Variants in CRYBB1 observed in about 807,000 individuals in gnomAD.
The protein encoded by CRYBB1 is crystallin beta B1, also known as beta-crystallin B1.
CRYBB1 carries 16 observed loss-of-function variants against 29.5 expected under a neutral mutation model. The ratio of observed to expected loss-of-function variants is 0.54; its 90% CI spans 0.37 to 0.82. The LOEUF (loss-of-function observed/expected upper bound fraction) is 0.82. Ranked by LOEUF, CRYBB1 falls within the 40% of genes least tolerant of loss-of-function variation. The pLI, the probability that CRYBB1 is intolerant of heterozygous loss-of-function variation, is 0.00. For missense variants in CRYBB1, 300 were observed against 350.5 expected (o/e 0.86, Z 1.15); for synonymous variants, 127 against 136.7 (o/e 0.93, Z 0.49).
chr22:26,606,074 G>C (rs1166018698), intron 4 of CRYBB1, among the ~76,000 whole-genome samples: 1 of 152,200 alleles, frequency 6.6e-6, no homozygotes. Flanking sequence ...TTTATGTGTA[G>C]CCCAAGACAA....
rs761669890 is a variant in CRYBB1, at chr22:26,599,571, C to A, written c.678G>T (p.Met226Ile). 1.2e-6 allele frequency: 2 copies of A among 1,614,216 alleles called. No homozygotes were observed. The highest frequency in any genetic ancestry group is 1.7e-6 in the Non-Finnish European group (2 of 1,180,034). The change falls in exon 6 of 6, where the codon ATG becomes ATT. Residue 226 changes from methionine (M) to isoleucine (I), a missense_variant. Coordinates refer to ENST00000647684, the MANE Select transcript of CRYBB1 (RefSeq NM_001887.4). ...WNEWGAFQPQ[M>I]QSLRRLRDKQ... ...TGTCACGCAGGCGACGCAGGGACTG[C>A]ATCTGTGGCTGGAAGGCTCCCCACT...
chr22:26,601,863 C>T lies in CRYBB1; in HGVS notation c.575+16G>A. ...CTTGAAGCAGGGGACGCGGACCTGGCAGGAGGGATGCTTACGTTCCACTGG... is the reference window on the plus strand; with the variant it reads ...CTTGAAGCAGGGGACGCGGACCTGGTAGGAGGGATGCTTACGTTCCACTGG... On this transcript the variant is annotated intron_variant, in intron 5 of 5. Transcript: ENST00000647684. The T allele has an allele frequency of 6.2e-7, 1 of 1,611,754 alleles. No homozygotes were observed. Among genetic ancestry groups the T allele is most frequent in the Non-Finnish European group, 8.5e-7 (1 of 1,179,830 alleles).
chr22:26,613,067 A>G (rs550325280), intron 2 of CRYBB1, among the ~76,000 whole-genome samples: 1 of 152,148 alleles, frequency 6.6e-6, no homozygotes, highest in East Asian at 1.9e-4. Context: ...AGGTTGATCA[A>G]TTTCTGTATC....
chr22:26,604,632 G>A (rs1279902985), intron 4 of CRYBB1, among the ~76,000 whole-genome samples: 3 of 152,190 alleles, frequency 2.0e-5, no homozygotes, highest in Non-Finnish European at 4.4e-5. Flanking sequence ...AAGGCACTGA[G>A]GCAGAGAAGG....
intron 4 of CRYBB1, among the ~76,000 whole-genome samples, chr22:26,606,217 A>G (rs2145962420): frequency 6.6e-6 from 1 of 152,288 alleles, no homozygotes; most frequent in Non-Finnish European, 1.5e-5. Context: ...TTCCAGCCCT[A>G]GAGATTCAGA....
chr22:26,602,559 C>A (rs1928853257), intron 4 of CRYBB1, among the ~76,000 whole-genome samples: 1 of 151,204 alleles, frequency 6.6e-6, no homozygotes, highest in Admixed American at 6.6e-5. Context: ...CCACTGCACT[C>A]CAGCCTGGGT....
At chr22:26,602,219 C>G (rs1285627300) in intron 4 of CRYBB1, among the ~76,000 whole-genome samples, 198 bp from the exon 5 acceptor site, 1 of 151,996 alleles carries the variant, frequency 6.6e-6, no homozygotes, top group Non-Finnish European at 1.5e-5. Context: ...ATAGGGTCCT[C>G]GTGAGGATGA....
At chr22:26,612,014 T>G in intron 3 of CRYBB1, 58 bp downstream of exon 3, 1 of 1,260,066 alleles carries the variant, frequency 7.9e-7, no homozygotes, top group East Asian at 2.3e-5. Context: ...TGGCAGCTAC[T>G]GTTGTGTGGT....
In CRYBB1 at chr22:26,607,916, C is replaced by A. The variant is rs1394027324; in HGVS notation, c.405G>T (p.Arg135=). ...TTTTGATGGGCCGGAAGGACATGAG[C>A]CGATCACTGCGGTAGCTGCTCGACC... ...NTWSSSYRSD[R]LMSFRPIKMD... The change falls in exon 4 of 6, where the codon CGG becomes CGT. Residue 135 remains arginine, a synonymous_variant. Transcript: ENST00000647684. 1 of 1,614,224 alleles carries A rather than the reference C, an allele frequency of 6.2e-7. No individual in the cohort carries two copies. Among genetic ancestry groups the A allele is most frequent in the Non-Finnish European group, 8.5e-7 (1 of 1,180,048 alleles).
intron 2 of CRYBB1, among the ~76,000 whole-genome samples, chr22:26,612,530 T>C (rs1929209974): frequency 2.0e-5 from 3 of 152,134 alleles, no homozygotes; most frequent in Admixed American, 2.0e-4. Context: ...CCTGGCTATT[T>C]TTTGTAGAGA....
At chr22:26,599,866 T>C (rs1305898649) in intron 5 of CRYBB1, among the ~76,000 whole-genome samples, 193 bp from the exon 6 acceptor site, 7 of 152,334 alleles carry the variant, frequency 4.6e-5, no homozygotes, top group Admixed American at 1.3e-4. Flanking sequence ...TCGGTTTCCT[T>C]TTCTAGGAAG....
Position 26,601,901 on chromosome 22 carries a change from TGCCCAC to T in CRYBB1, c.547_552del (p.Val183_Gly184del). The T allele has an allele frequency of 1.9e-6, 3 of 1,612,284 alleles. No individual in the cohort carries two copies. Among genetic ancestry groups the T allele is most frequent in the Non-Finnish European group, 2.5e-6 (3 of 1,179,856 alleles). On this transcript the variant is annotated inframe_deletion, in exon 5 of 6. Coordinates refer to ENST00000647684, the MANE Select transcript of CRYBB1 (RefSeq NM_001887.4). Reference sequence around the variant, plus strand: ...TACGTTCCACTGGAGACCTTCACGCTGCCCACGCGGTCACTGAAGCCGTAGACCCAG... The same window carrying T: ...TACGTTCCACTGGAGACCTTCACGCTGCGGTCACTGAAGCCGTAGACCCAG...
intron 4 of CRYBB1, among the ~76,000 whole-genome samples, chr22:26,603,785 G>A (rs528709047): frequency 1.6e-4 from 24 of 151,844 alleles, no homozygotes; most frequent in Non-Finnish European, 2.8e-4. Context: ...TTAGCTGGGC[G>A]TGGTGGCACG....
chr22:26,603,438 G>A (rs1454327036), intron 4 of CRYBB1, among the ~76,000 whole-genome samples: 1 of 152,068 alleles, frequency 6.6e-6, no homozygotes, highest in Non-Finnish European at 1.5e-5. Flanking sequence ...GCTGAGGCAG[G>A]AGAGTCACTT....
chr22:26,602,931 G>A (rs1258425749), intron 4 of CRYBB1, among the ~76,000 whole-genome samples: 1 of 151,558 alleles, frequency 6.6e-6, no homozygotes, highest in Non-Finnish European at 1.5e-5. Context: ...AGACCATCCT[G>A]GCTAACACGA....
chr22:26,600,174 G>A (rs1190613465), intron 5 of CRYBB1, among the ~76,000 whole-genome samples: 2 of 152,142 alleles, frequency 1.3e-5, no homozygotes, highest in Non-Finnish European at 2.9e-5. Context: ...GGCTGAGGCG[G>A]GCAAATCACA....
rs576149131 is a variant in CRYBB1 at position 26,602,898 on chromosome 22, C to T, written c.433-877G>A. On this transcript the variant is annotated intron_variant, in intron 4 of 5. Transcript: ENST00000647684. ...CAGCACTTTGGGAGGCCGAGGCGGG[C>T]AGATCATGTGGTCAGGAGATCAAGA... Among the ~76,000 whole-genome samples the T allele has an allele frequency of 8.0e-5, 12 of 150,714 alleles. No homozygotes were observed. The East Asian group carries it at 2.4e-3, about 30-fold the overall frequency.
intron 3 of CRYBB1, 145 bp downstream of exon 3, chr22:26,611,927 G>A (rs1929178668): frequency 4.2e-6 from 3 of 718,012 alleles, no homozygotes; most frequent in South Asian, 1.4e-5. Context: ...TCCCTCTTCA[G>A]TTTGATATGA....
chr22:26,605,834 G>C (rs1035013570), intron 4 of CRYBB1, among the ~76,000 whole-genome samples: 2 of 151,906 alleles, frequency 1.3e-5, no homozygotes, highest in Non-Finnish European at 1.5e-5. Context: ...AGCAGGGAGA[G>C]AGCTGAAGAT....
Sources: allele counts gnomAD v4.1 joint callset (sites outside exome capture counted in the v4.1 genomes callset), GRCh38; gene constraint gnomAD v4.1.1; transcripts MANE v1.5; gene names NCBI Gene and HGNC (gene_info 2026-07-23, HGNC 2026-07-21).